CACNA1H: variants seen among roughly 807,000 people sequenced by gnomAD.
CACNA1H encodes the protein calcium voltage-gated channel subunit alpha1 H.
In CACNA1H, 149 loss-of-function variants were observed where a neutral mutation model predicts 192.5. That is an observed-to-expected ratio of 0.77 (90% CI 0.68 to 0.89). The LOEUF (loss-of-function observed/expected upper bound fraction) is 0.89, where lower values mean the gene tolerates loss of function less well. Among genes scored for constraint, CACNA1H ranks in the 40% least tolerant of loss-of-function variants. The pLI, the probability that CACNA1H is intolerant of heterozygous loss-of-function variation, is 0.00. For missense variants in CACNA1H, 4,257 were observed against 3,423.5 expected (o/e 1.24, Z -6.08); for synonymous variants, 2,202 against 1,475.2 (o/e 1.49, Z -11.29).
At chr16:1,195,378 G>A in intron 3 of CACNA1H, 54 bp from the exon 4 acceptor site, 2 of 1,547,798 alleles carry the variant, frequency 1.3e-6, no homozygotes, top group South Asian at 2.4e-5. Flanking sequence ...GGGGTTGGGG[G>A]TTGTGGGCTG....
Position 1,203,956 on chromosome 16 carries a change from C to T in CACNA1H, c.2003-54C>T, listed in dbSNP as rs1183210573. On this transcript the variant is annotated intron_variant, in intron 9 of 34. Transcript: ENST00000348261. Reference sequence around the variant, plus strand: ...CTCCTGTGTGTGAGGGTTCCCGGGCCCTTGTGGCAGCACCACTGAGTGGGC... The same window carrying T: ...CTCCTGTGTGTGAGGGTTCCCGGGCTCTTGTGGCAGCACCACTGAGTGGGC... 10 of 1,362,448 alleles carry T rather than the reference C, an allele frequency of 7.3e-6. No individual in the cohort carries two copies. In the Admixed American group the frequency reaches 1.5e-4, roughly 20 times the overall value. 84.4% of individuals were successfully genotyped at this position (1,362,448 alleles called of 1,614,324 possible).
rs994219152 is a variant in CACNA1H at position 1,212,314 on chromosome 16, G to A, written c.4759+176G>A. On this transcript the variant is annotated intron_variant, in intron 25 of 34. Transcript: ENST00000348261. ...GGGCTGGCCCGAGAGGGCCGTCGGG[G>A]AGCCCGCCATGGCAGGAGAGGAGGA... 5 of 1,165,382 alleles carry A rather than the reference G, an allele frequency of 4.3e-6. No homozygotes were observed. In the Admixed American group the frequency reaches 1.1e-4, roughly 26 times the overall value. 72.2% of individuals were successfully genotyped at this position (1,165,382 alleles called of 1,614,324 possible). A position where few individuals can be genotyped will look rare whatever the true frequency, so the allele number is the denominator to read the frequency against.
In CACNA1H at chr16:1,202,437, G is replaced by A. The variant is rs140979551; in HGVS notation, c.1987G>A (p.Val663Met). ...TGATCCCTACGAGAAGATCCCGCATGTGGTCGGGGAGCATGGTGAGGACCC... is the reference window on the plus strand; with the variant it reads ...TGATCCCTACGAGAAGATCCCGCATATGGTCGGGGAGCATGGTGAGGACCC... ...SPDPYEKIPH[V>M]VGEHGLGQAP... The change falls in exon 9 of 35, where the codon GTG becomes ATG. Residue 663 changes from valine (V) to methionine (M), a missense_variant. By Grantham distance (21) the Val-to-Met change is conservative. Coordinates refer to ENST00000348261, the MANE Select transcript of CACNA1H (RefSeq NM_021098.3). 3.3e-6 allele frequency: 5 copies of A among 1,501,866 alleles called. No homozygotes were observed. The highest frequency in any genetic ancestry group is 1.7e-4 in the Middle Eastern group (1 of 5,764). The allele number at this position is 1,501,866 out of a possible 1,614,324, so 93.0% of individuals were successfully genotyped here.
intron 5 of CACNA1H, among the ~76,000 whole-genome samples, chr16:1,197,535 G>A (rs1018979218): frequency 6.6e-6 from 1 of 152,194 alleles, no homozygotes; most frequent in Non-Finnish European, 1.5e-5. Context: ...TGGATAATAC[G>A]CTTCTCATAA....
In CACNA1H at chr16:1,199,056, A is replaced by T. The variant is rs1364753755; in HGVS notation, c.803+282A>T. 37 of 257,108 alleles carry T rather than the reference A, an allele frequency of 1.4e-4. 1 individual carries two copies. Among genetic ancestry groups the T allele is most frequent in the Non-Finnish European group, 2.1e-4 (30 of 140,626 alleles). The allele number at this position is 257,108 out of a possible 1,614,324, so 15.9% of individuals were successfully genotyped here. The stretch of plus-strand genomic sequence containing the variant: ...CCCACCATGGCTCCGCCCACCGCGC[A>T]GTCGCTGCACATATGCCCCACCCCC... On this transcript the variant is annotated intron_variant, in intron 6 of 34. Coordinates refer to ENST00000348261, the MANE Select transcript of CACNA1H (RefSeq NM_021098.3).
intron 12 of CACNA1H, chr16:1,206,599 C>CTGA: frequency 2.2e-6 from 1 of 462,818 alleles, no homozygotes; most frequent in Middle Eastern, 6.0e-4. Context: ...CTGGGGTGTT[C>CTGA]TGAGCGCCTG....
At position 1,167,800 on chromosome 16, in the gene CACNA1H, C is replaced by T. The variant is rs972923722; in HGVS notation, c.299+13764C>T. Among the ~76,000 whole-genome samples, 5 of 152,228 alleles carry T rather than the reference C, an allele frequency of 3.3e-5. No individual in the cohort carries two copies. The highest frequency in any genetic ancestry group is 9.6e-5 in the African/African-American group (4 of 41,454). ...AAACGGGACACCTGGAGCTGTGGCG[C>T]TGGTGTGTGCTTAGAAAGTGCACCT... is the stretch of plus-strand genomic sequence containing the variant. On this transcript the variant is annotated intron_variant, in intron 2 of 34. Transcript: ENST00000348261. This position sits in a 1 kb window ranked among gnomAD's most constrained non-coding sequence, Gnocchi z 4.2.
chr16:1,156,517 G>A (rs374238588), intron 2 of CACNA1H, among the ~76,000 whole-genome samples: 3 of 152,190 alleles, frequency 2.0e-5, no homozygotes, highest in Admixed American at 6.5e-5. Context: ...GAGTTGGGAG[G>A]GGGAGGCTTT....
chr16:1,191,799 A>C (rs1234854151), intron 2 of CACNA1H, among the ~76,000 whole-genome samples: 1 of 88,956 alleles, frequency 1.1e-5, no homozygotes, highest in African/African-American at 5.2e-5. Flanking sequence ...GTGTGGCCTC[A>C]GGCACACTCG....
chr16:1,182,892 G>A (rs1303109487), intron 2 of CACNA1H, among the ~76,000 whole-genome samples: 1 of 152,060 alleles, frequency 6.6e-6, no homozygotes, highest in Non-Finnish European at 1.5e-5. Flanking sequence ...TGAGTCCTGG[G>A]CCCAACCTGA....
At position 1,210,350 on chromosome 16, in the gene CACNA1H, A is replaced by ACCCCCCCCCCCCCCCCCC; in HGVS notation, c.3846-17_3846-16insCCCCCCCCCCCCCCCCCC. 1.3e-5 allele frequency: 4 copies of ACCCCCCCCCCCCCCCCCC among 313,936 alleles called. No individual in the cohort carries two copies. Among genetic ancestry groups the ACCCCCCCCCCCCCCCCCC allele is most frequent in the Non-Finnish European group, 1.9e-5 (4 of 215,946 alleles). 19.4% of individuals were successfully genotyped at this position (313,936 alleles called of 1,614,324 possible). A position where few individuals can be genotyped will look rare whatever the true frequency, so the allele number is the denominator to read the frequency against. On this transcript the variant is annotated intron_variant, in intron 18 of 34. Coordinates refer to ENST00000348261, the MANE Select transcript of CACNA1H (RefSeq NM_021098.3). ...TCCACGCCGCCCCGCCCCACCTCTC[A>ACCCCCCCCCCCCCCCCCC]CCCGCCCCCGCCCACCCAGGTTCCG...
At position 1,207,044 on chromosome 16, in the gene CACNA1H, A is replaced by G. The variant is rs1406803432; in HGVS notation, c.2833A>G (p.Thr945Ala). 1.7e-5 allele frequency: 27 copies of G among 1,601,904 alleles called. No individual in the cohort carries two copies. The East Asian group carries it at 5.9e-4, about 35-fold the overall frequency. Residue 945 changes from threonine (T) to alanine (A), a missense_variant, in exon 13 of 35, where the codon ACA becomes GCA. Transcript: ENST00000348261. ...TTTCGGCTGCAAGTTCAGCCTGAAG[A>G]CAGACACCGGAGACACCGTGCCTGA... ...HLFGCKFSLK[T>A]DTGDTVPDRK...
In CACNA1H at chr16:1,200,459, C is replaced by A; in HGVS notation, c.1007C>A (p.Ala336Asp). Residue 336 changes from alanine to aspartate, a missense_variant, in exon 7 of 35, where the codon GCC (alanine) becomes GAC (aspartate). Physicochemically the swap from Ala to Asp is moderately radical, Grantham distance 126 (BLOSUM62 -2). Coordinates refer to ENST00000348261, the MANE Select transcript of CACNA1H (RefSeq NM_021098.3). ...GAGGGGGTGGGCGCTGCACGCAACG[C>A]CTGCATCAACTGGAACCAGTACTAC... ...QAEGVGAARN[A>D]CINWNQYYNV... 1.2e-6 allele frequency: 2 copies of A among 1,611,880 alleles called. No individual in the cohort carries two copies. Among genetic ancestry groups the A allele is most frequent in the Non-Finnish European group, 8.5e-7 (1 of 1,179,686 alleles).
Position 1,153,647 on chromosome 16 carries a change from C to T in CACNA1H, c.-18-73C>T. ...GACATCCCGGCGGCCGCGGCTGTTC[C>T]CGCAGCTCCGCGCCGCGGGAGGCAG... On this transcript the variant is annotated intron_variant, in intron 1 of 34. Coordinates refer to ENST00000348261, the MANE Select transcript of CACNA1H (RefSeq NM_021098.3). 1.3e-5 allele frequency: 13 copies of T among 1,006,628 alleles called. No homozygotes were observed. In the South Asian group the frequency reaches 6.0e-4, roughly 47 times the overall value. The allele number at this position is 1,006,628 out of a possible 1,614,324, so 62.4% of individuals were successfully genotyped here. A position where few individuals can be genotyped will look rare whatever the true frequency, so the allele number is the denominator to read the frequency against.
intron 2 of CACNA1H, among the ~76,000 whole-genome samples, chr16:1,178,261 C>T (rs1965111852): frequency 7.2e-6 from 1 of 139,398 alleles, no homozygotes; most frequent in Non-Finnish European, 1.6e-5. Context: ...CTCCTTGGAT[C>T]CCTCCATGGT....
intron 4 of CACNA1H, 69 bp from the exon 5 acceptor site, chr16:1,195,857 T>C (rs1290173059): frequency 2.3e-5 from 29 of 1,237,114 alleles, no homozygotes; most frequent in Non-Finnish European, 3.2e-5. Context: ...CACCCTACTT[T>C]GCACCCCAGC....
rs781264742 is a variant in CACNA1H, at chr16:1,207,128, G to C, written c.2907+10G>C. ...CGTCACCGTGTTCCAGGTAGTGCCC[G>C]GGGTCCCCGCAGCAGTGTTGGGTGC... is the stretch of plus-strand genomic sequence containing the variant. On this transcript the variant is annotated intron_variant, in intron 13 of 34. Transcript: ENST00000348261. 1 of 1,574,656 alleles carries C rather than the reference G, an allele frequency of 6.4e-7. No homozygotes were observed. The highest frequency in any genetic ancestry group is 8.6e-7 in the Non-Finnish European group (1 of 1,159,154).
chr16:1,191,632 T>C (rs1288287569), intron 2 of CACNA1H, among the ~76,000 whole-genome samples: 26 of 52,580 alleles, frequency 4.9e-4, no homozygotes, highest in Admixed American at 9.5e-4. Flanking sequence ...GCTGGCCTGG[T>C]TGTGTGGCCT....
At position 1,195,101 on chromosome 16, in the gene CACNA1H, G is replaced by T; in HGVS notation, c.411+18G>T. ...TCCTGGAGGTGAGGGGCGTGGGTCG[G>T]GGTGGGGAAGGAGCGTGGGTCGCTA... On this transcript the variant is annotated intron_variant, in intron 3 of 34. Coordinates refer to ENST00000348261, the MANE Select transcript of CACNA1H (RefSeq NM_021098.3). 1 of 1,535,366 alleles carries T rather than the reference G, an allele frequency of 6.5e-7. No individual in the cohort carries two copies. The highest frequency in any genetic ancestry group is 9.0e-7 in the Non-Finnish European group (1 of 1,113,490).
Sources: allele counts gnomAD v4.1 joint callset (sites outside exome capture counted in the v4.1 genomes callset), GRCh38; gene constraint gnomAD v4.1.1; non-coding constraint Gnocchi (gnomAD v3.1); transcripts MANE v1.5; gene names NCBI Gene and HGNC (gene_info 2026-07-23, HGNC 2026-07-21).